Variants in HIPK2 observed in about 807,000 individuals in gnomAD.
HIPK2 encodes the protein homeodomain interacting protein kinase 2.
A neutral mutation model predicts 113.7 loss-of-function variants in HIPK2; 27 were observed. The observed-to-expected ratio is 0.24, with a 90% confidence interval of 0.17 to 0.33. HIPK2 has a LOEUF of 0.33. Ranked by LOEUF, HIPK2 falls within the 10% of genes least tolerant of loss-of-function variation. The pLI, the probability that HIPK2 is intolerant of heterozygous loss-of-function variation, is 1.00. For missense variants in HIPK2, 1,257 were observed against 1,588.0 expected (o/e 0.79, Z 3.54); for synonymous variants, 631 against 642.2 (o/e 0.98, Z 0.26).
intron 2 of HIPK2, among the ~76,000 whole-genome samples, chr7:139,705,622 C>G (rs983031837): frequency 2.0e-5 from 3 of 152,006 alleles, no homozygotes; most frequent in Admixed American, 6.5e-5. Flanking sequence ...CGTGATCCGC[C>G]CGCCTCGGCC....
chr7:139,659,300 A>G (rs935727739), intron 2 of HIPK2, among the ~76,000 whole-genome samples: 1 of 152,214 alleles, frequency 6.6e-6, no homozygotes, highest in African/African-American at 2.4e-5. Context: ...TTCTACTCTA[A>G]AAGCATTCAC....
intron 1 of HIPK2, among the ~76,000 whole-genome samples, chr7:139,755,790 T>C (rs1023872073): frequency 7.2e-5 from 11 of 152,246 alleles, no homozygotes; most frequent in Non-Finnish European, 1.3e-4. Flanking sequence ...CGGTACGGTG[T>C]CCTTCCTTAG....
rs1037284038 is a variant in HIPK2, at chr7:139,605,531, G to C, written c.2113-1308C>G. On this transcript the variant is annotated intron_variant, in intron 9 of 14. Transcript: ENST00000406875. The stretch of plus-strand genomic sequence containing the variant: ...TGTGCTCAGTGTGGGTGTTTTATAG[G>C]TACAAATACGCAATTCTGGAAATGG... Among the ~76,000 whole-genome samples the C allele has an allele frequency of 3.9e-5, 6 of 152,060 alleles. No homozygotes were observed. In the East Asian group the frequency reaches 1.2e-3, roughly 29 times the overall value.
intron 1 of HIPK2, among the ~76,000 whole-genome samples, chr7:139,757,728 CAG>C (rs1225897591): frequency 2.0e-5 from 3 of 152,042 alleles, no homozygotes; most frequent in African/African-American, 7.3e-5. Context: ...CTAATGGGTA[CAG>C]AGTTTCTTTT....
intron 1 of HIPK2, among the ~76,000 whole-genome samples, chr7:139,742,785 G>C (rs1388435205): frequency 6.6e-6 from 1 of 152,208 alleles, no homozygotes; most frequent in Non-Finnish European, 1.5e-5. Flanking sequence ...TAAAAGACTT[G>C]CACATCTAGG....
chr7:139,629,507 C>T (rs920358994), intron 4 of HIPK2, among the ~76,000 whole-genome samples: 3 of 152,186 alleles, frequency 2.0e-5, no homozygotes, highest in Non-Finnish European at 2.9e-5. Flanking sequence ...CATTAGGTAG[C>T]ACAGTTACTA....
At position 139,572,898 on chromosome 7, in the gene HIPK2, T is replaced by TGCCAA; in HGVS notation, c.*28_*29insTTGGC. The TGCCAA allele has an allele frequency of 2.5e-6, 1 of 407,280 alleles. No homozygotes were observed. The highest frequency in any genetic ancestry group is 4.8e-6 in the Non-Finnish European group (1 of 206,378). 25.2% of individuals were successfully genotyped at this position (407,280 alleles called of 1,614,324 possible). A position where few individuals can be genotyped will look rare whatever the true frequency, so the allele number is the denominator to read the frequency against. On this transcript the variant is annotated 3_prime_UTR_variant, in exon 15 of 15. Transcript: ENST00000406875. ...CTCCTCCCTCGGGCCATTCTCTCCC[T>TGCCAA]CCCTCCCTCCCTCCCTCCCCTCCAG...
intron 2 of HIPK2, among the ~76,000 whole-genome samples, chr7:139,670,404 C>T (rs1483866865): frequency 2.1e-5 from 3 of 145,166 alleles, no homozygotes; most frequent in Non-Finnish European, 4.5e-5. Context: ...GGCATCATAA[C>T]GAGAGCCTAT....
At chr7:139,667,926 G>A (rs768679219) in intron 2 of HIPK2, among the ~76,000 whole-genome samples, 6 of 151,466 alleles carry the variant, frequency 4.0e-5, no homozygotes, top group South Asian at 2.1e-4. Flanking sequence ...TCAGGAGTTC[G>A]AGACCAGCCT....
At chr7:139,757,723 G>A (rs988048269) in intron 1 of HIPK2, among the ~76,000 whole-genome samples, 36 of 152,144 alleles carry the variant, frequency 2.4e-4, no homozygotes, top group African/African-American at 8.4e-4. Flanking sequence ...GACTGCTAAT[G>A]GGTACAGAGT....
intron 1 of HIPK2, among the ~76,000 whole-genome samples, chr7:139,718,377 T>C (rs1056270651): frequency 1.3e-5 from 2 of 152,230 alleles, no homozygotes; most frequent in Non-Finnish European, 2.9e-5. Flanking sequence ...GGTAATCCTT[T>C]CCACTCCATC....
chr7:139,622,004 T>TA, intron 6 of HIPK2, among the ~76,000 whole-genome samples: 1 of 151,092 alleles, frequency 6.6e-6, no homozygotes, highest in African/African-American at 2.4e-5. Context: ...ATTTTAATTA[T>TA]AAAAAATGTA....
intron 1 of HIPK2, among the ~76,000 whole-genome samples, chr7:139,769,682 G>A (rs1796615693): frequency 6.6e-6 from 1 of 152,090 alleles, no homozygotes; most frequent in Non-Finnish European, 1.5e-5. Context: ...GACATCCTTG[G>A]AAAGAAGCTA....
At chr7:139,604,277 T>C (rs1441390046) in intron 9 of HIPK2, 54 bp from the exon 10 acceptor site, 8 of 1,560,354 alleles carry the variant, frequency 5.1e-6, no homozygotes, top group Admixed American at 3.5e-5. Context: ...CATAATTGAT[T>C]TGCATGAACC....
intron 1 of HIPK2, among the ~76,000 whole-genome samples, chr7:139,752,283 C>T (rs968777785): frequency 6.6e-6 from 1 of 152,240 alleles, no homozygotes; most frequent in Non-Finnish European, 1.5e-5. Flanking sequence ...CATCCACTGG[C>T]TCCAGTGTCC....
chr7:139,673,857 G>C lies in HIPK2; in HGVS notation c.1103+42075C>G, dbSNP rs1413494164. 4.5e-5 allele frequency among the ~76,000 whole-genome samples: 6 copies of C among 133,044 alleles called. No individual in the cohort carries two copies. The South Asian group carries it at 1.5e-3, about 33-fold the overall frequency. 87.3% of individuals were successfully genotyped at this position (133,044 alleles called of 152,430 possible). A position where few individuals can be genotyped will look rare whatever the true frequency, so the allele number is the denominator to read the frequency against. ...GAGGTCAGGAGTTCAAGACCAGCCT[G>C]GCCACCATGGTGAAACCCTATCTGT... On this transcript the variant is annotated intron_variant, in intron 2 of 14. Coordinates refer to ENST00000406875, the MANE Select transcript of HIPK2 (RefSeq NM_022740.5).
intron 2 of HIPK2, among the ~76,000 whole-genome samples, chr7:139,696,955 C>A: frequency 6.6e-6 from 1 of 152,140 alleles, no homozygotes; most frequent in South Asian, 2.1e-4. Context: ...AGCCGGGATG[C>A]AGAAAGTTAA....
intron 6 of HIPK2, among the ~76,000 whole-genome samples, chr7:139,625,788 T>C (rs1800405132): frequency 6.6e-6 from 1 of 152,220 alleles, no homozygotes; most frequent in Non-Finnish European, 1.5e-5. Context: ...TCTTACGGAC[T>C]GCAAGCTCCA....
chr7:139,614,296 G>T lies in HIPK2; in HGVS notation c.1980C>A (p.Pro660=), dbSNP rs763997904. The change falls in exon 8 of 15, where the codon CCC becomes CCA. Residue 660 remains proline, a synonymous_variant. Transcript: ENST00000406875. ...PFQQALIVCP[P]GFQGLQASPS... ...GCTGCTCAATCTTACCTTGGAAGCCGGGGGGACACACGATGAGAGCTTGCT... is the reference window on the plus strand; with the variant it reads ...GCTGCTCAATCTTACCTTGGAAGCCTGGGGGACACACGATGAGAGCTTGCT... The T allele has an allele frequency of 4.6e-6, 7 of 1,509,242 alleles. No individual in the cohort carries two copies. Among genetic ancestry groups the T allele is most frequent in the Admixed American group, 1.9e-5 (1 of 51,428 alleles). 93.5% of individuals were successfully genotyped at this position (1,509,242 alleles called of 1,614,324 possible). A position where few individuals can be genotyped will look rare whatever the true frequency, so the allele number is the denominator to read the frequency against.
Sources: gnomAD v4.1 joint callset for allele counts (sites outside exome capture counted in the v4.1 genomes callset) on GRCh38, gnomAD v4.1.1 for gene constraint, MANE v1.5 for transcripts, NCBI Gene and HGNC (gene_info 2026-07-23, HGNC 2026-07-21) for gene names.